NELL2: variants seen among roughly 807,000 people sequenced by gnomAD.
NELL2 encodes the protein neural EGFL like 2.
NELL2 carries 41 observed loss-of-function variants against 109.6 expected under a neutral mutation model. That is an observed-to-expected ratio of 0.37 (90% CI 0.29 to 0.49). The LOEUF (loss-of-function observed/expected upper bound fraction) is 0.49. Ranked by LOEUF, NELL2 falls within the 20% of genes least tolerant of loss-of-function variation. The pLI is 0.98. For missense variants in NELL2, 900 were observed against 1,008.3 expected, an observed-to-expected ratio of 0.89 and a Z score of 1.45; for synonymous variants, 355 against 344.7, an observed-to-expected ratio of 1.03 and a Z score of -0.33.
At chr12:44,540,924 A>G (rs1045658879) in intron 15 of NELL2, among the ~76,000 whole-genome samples, 1 of 152,096 alleles carries the variant, frequency 6.6e-6, no homozygotes, top group Non-Finnish European at 1.5e-5. Flanking sequence ...GCCAAGATAC[A>G]GTATCAGAAA....
chr12:44,523,336 C>A lies in NELL2; in HGVS notation c.1953G>T (p.Gln651His), dbSNP rs746502275. Residue 651 changes from glutamine to histidine, a missense_variant, in exon 17 of 20, where the codon CAG becomes CAT. This residue lies in a region of NELL2 where 333 missense variants were observed against 432.3 expected (regional missense o/e 0.77). Transcript: ENST00000429094. ...ACCTGTCATTTTCCAACACCCAAAT[C>A]TGACCATTGTGCTTAACTTTTCCAT... ...IHDGKVKHNG[Q>H]IWVLENDRCS... 22 of 1,614,062 alleles carry A rather than the reference C, an allele frequency of 1.4e-5. No individual in the cohort carries two copies. The Middle Eastern group carries it at 8.2e-4, about 60-fold the overall frequency.
intron 15 of NELL2, among the ~76,000 whole-genome samples, chr12:44,563,874 T>C (rs1943562262): frequency 6.6e-6 from 1 of 152,220 alleles, no homozygotes; most frequent in African/African-American, 2.4e-5. Context: ...AGTTTGCTTC[T>C]GGTCCCTAAA....
chr12:44,783,391 T>C (rs1942036824), intron 3 of NELL2, among the ~76,000 whole-genome samples: 1 of 151,398 alleles, frequency 6.6e-6, no homozygotes, highest in South Asian at 2.1e-4. Flanking sequence ...CAGAAATCAA[T>C]ACAATTTAAA....
At chr12:44,908,847 A>G (rs1455477455) in intron 1 of NELL2, among the ~76,000 whole-genome samples, 1 of 152,012 alleles carries the variant, frequency 6.6e-6, no homozygotes, top group Non-Finnish European at 1.5e-5. Context: ...TTCAATCATT[A>G]ATATTAAAAG....
At chr12:44,719,233 T>C (rs1448721437) in intron 9 of NELL2, among the ~76,000 whole-genome samples, 2 of 152,126 alleles carry the variant, frequency 1.3e-5, no homozygotes, top group Admixed American at 6.5e-5. Context: ...ATAACACAGA[T>C]TGAGAAATGG....
chr12:44,799,236 G>A (rs1190466038), intron 3 of NELL2, among the ~76,000 whole-genome samples: 2 of 152,008 alleles, frequency 1.3e-5, no homozygotes, highest in Non-Finnish European at 2.9e-5. Flanking sequence ...GGGACTACAG[G>A]TGTGAGACAC....
chr12:44,884,246 A>G (rs1284570423), intron 1 of NELL2, among the ~76,000 whole-genome samples: 1 of 152,018 alleles, frequency 6.6e-6, no homozygotes, highest in Non-Finnish European at 1.5e-5. Context: ...GGTACATTAC[A>G]GAATAACAAA....
intron 9 of NELL2, among the ~76,000 whole-genome samples, chr12:44,766,714 G>A (rs1476812869): frequency 6.6e-6 from 1 of 152,094 alleles, no homozygotes; most frequent in Non-Finnish European, 1.5e-5. Context: ...AAAGCCTTAT[G>A]ATACTAAGAA....
intron 13 of NELL2, among the ~76,000 whole-genome samples, chr12:44,657,341 G>A (rs376965460): frequency 3.3e-5 from 5 of 151,996 alleles, no homozygotes; most frequent in Middle Eastern, 3.2e-3. Context: ...GTGTGTGTGC[G>A]GATGTGCATG....
At chr12:44,637,340 T>C (rs1946676546) in intron 13 of NELL2, among the ~76,000 whole-genome samples, 2 of 150,928 alleles carry the variant, frequency 1.3e-5, no homozygotes, top group Admixed American at 6.7e-5. Context: ...AAACTATTTA[T>C]TGACCACCTA....
chr12:44,802,440 T>C (rs1437155788), intron 3 of NELL2, among the ~76,000 whole-genome samples: 1 of 151,844 alleles, frequency 6.6e-6, no homozygotes, highest in African/African-American at 2.4e-5. Flanking sequence ...ACCTCTAATA[T>C]ATCATATATA....
chr12:44,536,851 T>C (rs770089938), intron 15 of NELL2, among the ~76,000 whole-genome samples: 21 of 151,864 alleles, frequency 1.4e-4, no homozygotes, highest in Non-Finnish European at 2.8e-4. Flanking sequence ...TGTTTAGCCA[T>C]CCAACAACAG....
At chr12:44,829,136 A>G (rs1943807179) in intron 2 of NELL2, among the ~76,000 whole-genome samples, 1 of 152,150 alleles carries the variant, frequency 6.6e-6, no homozygotes, top group Non-Finnish European at 1.5e-5. Context: ...CTCTAACTGC[A>G]GTACTGCTCA....
intron 13 of NELL2, among the ~76,000 whole-genome samples, chr12:44,620,925 C>A (rs1946033573): frequency 6.6e-6 from 1 of 152,104 alleles, no homozygotes; most frequent in Admixed American, 6.5e-5. Context: ...TTCCTTCTGC[C>A]CCCACCAATC....
chr12:44,780,647 G>A (rs367809971), intron 3 of NELL2, among the ~76,000 whole-genome samples: 6 of 152,040 alleles, frequency 3.9e-5, no homozygotes, highest in African/African-American at 1.4e-4. Flanking sequence ...TCTCATCTTG[G>A]AAGTAATGAA....
chr12:44,816,314 C>T (rs1341728758), intron 2 of NELL2, among the ~76,000 whole-genome samples, 178 bp from the exon 3 acceptor site: 3 of 152,120 alleles, frequency 2.0e-5, no homozygotes, highest in African/African-American at 7.2e-5. Context: ...TATAATAACA[C>T]AGGACAATAA....
chr12:44,734,980 C>G (rs777915254), intron 9 of NELL2, among the ~76,000 whole-genome samples: 7 of 152,036 alleles, frequency 4.6e-5, no homozygotes, highest in Non-Finnish European at 7.4e-5. Context: ...AGGGATGGAA[C>G]TACTCCCTTC....
chr12:44,610,853 C>T lies in NELL2; in HGVS notation c.1562G>A (p.Cys521Tyr). The T allele has an allele frequency of 6.2e-7, 1 of 1,612,896 alleles. No homozygotes were observed. The highest frequency in any genetic ancestry group is 8.5e-7 in the Non-Finnish European group (1 of 1,179,164). The part of the protein sequence containing the change: ...KPGYTGNGTT[C>Y]KAFCKDGCRN... ...CTGGCATTTAAACCTTTTACCTTTG[C>T]ATGTCGTTCCATTCCCTGTATAGCC... Residue 521 changes from cysteine to tyrosine, a missense_variant, in exon 14 of 20, where the codon TGC becomes TAC. This residue lies in a region of NELL2 where 333 missense variants were observed against 432.3 expected (regional missense o/e 0.77). Transcript: ENST00000429094.
intron 9 of NELL2, among the ~76,000 whole-genome samples, chr12:44,744,362 T>C (rs1383436980): frequency 2.0e-5 from 3 of 151,952 alleles, no homozygotes; most frequent in South Asian, 4.2e-4. Context: ...AGATCTAAAA[T>C]TGACACCCTA....
Sources: gnomAD v4.1 joint callset for allele counts (sites outside exome capture counted in the v4.1 genomes callset) on GRCh38, gnomAD v4.1.1 for gene constraint, gnomAD v4.1.1 regional missense constraint, MANE v1.5 for transcripts, NCBI Gene and HGNC (gene_info 2026-07-23, HGNC 2026-07-21) for gene names.